Variants in GRM5 observed in about 807,000 individuals in gnomAD.
The protein encoded by GRM5 is metabotropic glutamate receptor 5.
Under a neutral mutation model 83.1 loss-of-function variants are expected in GRM5, and 19 were observed. That is an observed-to-expected ratio of 0.23 (90% confidence interval 0.16 to 0.34). The LOEUF (loss-of-function observed/expected upper bound fraction) is 0.34. GRM5 is among the 10% of genes least tolerant of loss of function. GRM5 has a pLI of 1.00. For missense variants in GRM5, 1,160 were observed against 1,588.3 expected, an observed-to-expected ratio of 0.73 and a Z score of 4.58; for synonymous variants, 675 against 633.6, an observed-to-expected ratio of 1.07 and a Z score of -0.98.
chr11:88,759,351 C>T (rs900709665), intron 3 of GRM5, among the ~76,000 whole-genome samples: 2 of 152,010 alleles, frequency 1.3e-5, no homozygotes, highest in Non-Finnish European at 2.9e-5. Flanking sequence ...CAATGACACA[C>T]AAAGGTTCAA....
chr11:88,614,853 G>A (rs548844377), intron 4 of GRM5, among the ~76,000 whole-genome samples: 11 of 152,266 alleles, frequency 7.2e-5, no homozygotes, highest in Non-Finnish European at 1.3e-4. Context: ...AACTTGTAAT[G>A]TCATGACTAG....
Position 89,034,055 on chromosome 11 carries a change from G to GAT in GRM5, c.661+13156_661+13157insAT, listed in dbSNP as rs397744728. Among the ~76,000 whole-genome samples the GAT allele has an allele frequency of 2.7e-5, 4 of 150,668 alleles. No individual in the cohort carries two copies. The East Asian group carries it at 5.8e-4, about 22-fold the overall frequency. ...ACAGATAATTAGATAATTATTATGAGGTCGAATAGTCCTAAAAATAAATTG... is the reference window on the plus strand; with the variant it reads ...ACAGATAATTAGATAATTATTATGAGATGTCGAATAGTCCTAAAAATAAATTG... On this transcript the variant is annotated intron_variant, in intron 2 of 9. Coordinates refer to ENST00000305447, the MANE Select transcript of GRM5 (RefSeq NM_001143831.3).
intron 2 of GRM5, among the ~76,000 whole-genome samples, chr11:88,971,659 C>T (rs1939167426): frequency 6.6e-6 from 1 of 152,094 alleles, no homozygotes; most frequent in Admixed American, 6.6e-5. Context: ...ATATGTACCA[C>T]TTTTTTTAAA....
intron 7 of GRM5, among the ~76,000 whole-genome samples, chr11:88,579,635 T>C (rs1314846683): frequency 6.6e-6 from 1 of 152,176 alleles, no homozygotes; most frequent in Non-Finnish European, 1.5e-5. Context: ...AGAGCCTTTC[T>C]GACCTTTTAA....
chr11:88,553,151 GT>G (rs1230711015), intron 8 of GRM5, among the ~76,000 whole-genome samples: 1 of 152,184 alleles, frequency 6.6e-6, no homozygotes, highest in Non-Finnish European at 1.5e-5. Context: ...TCTGTTGTGA[GT>G]GAATGATGAA....
At chr11:88,917,812 T>A (rs1303622511) in intron 2 of GRM5, among the ~76,000 whole-genome samples, 1 of 151,510 alleles carries the variant, frequency 6.6e-6, no homozygotes, top group East Asian at 1.9e-4. Flanking sequence ...ACAAAAAAAA[T>A]GAAGCATGCC....
chr11:88,967,211 G>T (rs1939003295), intron 2 of GRM5, among the ~76,000 whole-genome samples: 1 of 127,608 alleles, frequency 7.8e-6, no homozygotes, highest in South Asian at 2.9e-4. Flanking sequence ...GTGTGTGTGT[G>T]TGTATATATG....
chr11:88,627,903 A>C (rs181105863), intron 4 of GRM5, among the ~76,000 whole-genome samples: 3 of 152,322 alleles, frequency 2.0e-5, no homozygotes, highest in Middle Eastern at 3.4e-3. Flanking sequence ...ATTCTTCAAC[A>C]ATTAAGATAT....
At chr11:89,001,753 C>T (rs544049630) in intron 2 of GRM5, among the ~76,000 whole-genome samples, 3 of 152,190 alleles carry the variant, frequency 2.0e-5, no homozygotes, top group East Asian at 1.9e-4. Flanking sequence ...TGTGAGTCTA[C>T]AATTATCTCA....
intron 4 of GRM5, among the ~76,000 whole-genome samples, chr11:88,618,535 T>A (rs1938544960): frequency 6.6e-6 from 1 of 151,846 alleles, no homozygotes; most frequent in Non-Finnish European, 1.5e-5. Flanking sequence ...ATTTATTGAG[T>A]ACTTACTGCA....
intron 3 of GRM5, among the ~76,000 whole-genome samples, chr11:88,758,982 C>T (rs1415426715): frequency 6.6e-6 from 1 of 152,242 alleles, no homozygotes; most frequent in Admixed American, 6.5e-5. Context: ...TCTGGCCAAA[C>T]TAAGCTTCAT....
chr11:88,827,673 TA>T (rs1197893949), intron 3 of GRM5, among the ~76,000 whole-genome samples: 1 of 152,166 alleles, frequency 6.6e-6, no homozygotes, highest in African/African-American at 2.4e-5. Context: ...TGAGAAACTT[TA>T]AAAAATCCTA....
intron 3 of GRM5, among the ~76,000 whole-genome samples, chr11:88,654,817 A>G (rs1939726365): frequency 1.3e-5 from 2 of 152,084 alleles, no homozygotes; most frequent in Non-Finnish European, 2.9e-5. Context: ...AATATTTTGC[A>G]TAAAAAATCA....
intron 4 of GRM5, among the ~76,000 whole-genome samples, chr11:88,642,091 T>C (rs1939311120): frequency 6.6e-6 from 1 of 152,150 alleles, no homozygotes; most frequent in South Asian, 2.1e-4. Context: ...ATATAGCTTC[T>C]GAAATCGAGG....
At chr11:88,985,067 A>G (rs1439860568) in intron 2 of GRM5, among the ~76,000 whole-genome samples, 1 of 152,086 alleles carries the variant, frequency 6.6e-6, no homozygotes, top group Non-Finnish European at 1.5e-5. Context: ...TAAATACACA[A>G]GAGCCATAAA....
intron 3 of GRM5, among the ~76,000 whole-genome samples, chr11:88,835,285 G>T (rs565510253): frequency 6.6e-6 from 1 of 152,290 alleles, no homozygotes; most frequent in Admixed American, 6.5e-5. Context: ...AAACAGTGTA[G>T]GTTACACTGT....
At chr11:88,555,400 G>A (rs1014369635) in intron 8 of GRM5, among the ~76,000 whole-genome samples, 1 of 152,130 alleles carries the variant, frequency 6.6e-6, no homozygotes, top group African/African-American at 2.4e-5. Context: ...CGACTGGACT[G>A]GGACTTACTT....
intron 2 of GRM5, among the ~76,000 whole-genome samples, chr11:89,041,982 A>G (rs1941545985): frequency 6.6e-6 from 1 of 152,220 alleles, no homozygotes; most frequent in Non-Finnish European, 1.5e-5. Flanking sequence ...CGACCCAGGA[A>G]AAGGAGCACT....
chr11:88,531,373 T>C (rs1169250485), intron 8 of GRM5, among the ~76,000 whole-genome samples: 1 of 152,050 alleles, frequency 6.6e-6, no homozygotes, highest in Middle Eastern at 3.2e-3. Flanking sequence ...GGACTCTATA[T>C]GGTTTGGAAG....
Sources: gnomAD v4.1 joint callset for allele counts (sites outside exome capture counted in the v4.1 genomes callset) on GRCh38, gnomAD v4.1.1 for gene constraint, MANE v1.5 for transcripts, NCBI Gene and HGNC (gene_info 2026-07-23, HGNC 2026-07-21) for gene names.